The following CDC42SE2 variants were observed in gnomAD, a reference collection of about 807,000 sequenced individuals.
The protein encoded by CDC42SE2 is CDC42 small effector protein 2.
Under a neutral mutation model 11.5 loss-of-function variants are expected in CDC42SE2, and 3 were observed. The observed-to-expected ratio is 0.26, with a 90% CI of 0.12 to 0.67. The LOEUF (loss-of-function observed/expected upper bound fraction) is 0.67. Ranked by LOEUF, CDC42SE2 falls within the 30% of genes least tolerant of loss-of-function variation. The pLI is 0.80. For missense variants in CDC42SE2, 82 were observed against 106.8 expected, an observed-to-expected ratio of 0.77 and a Z score of 1.02; for synonymous variants, 33 against 34.8, an observed-to-expected ratio of 0.95 and a Z score of 0.18.
intron 1 of CDC42SE2, among the ~76,000 whole-genome samples, chr5:131,300,699 C>T (rs1192906080): frequency 2.0e-5 from 3 of 151,006 alleles, no homozygotes; most frequent in Non-Finnish European, 4.4e-5. Flanking sequence ...AGGAGAATGG[C>T]GTGAACCTGG....
chr5:131,259,860 C>T (rs1756708697), upstream of CDC42SE2, among the ~76,000 whole-genome samples: 8 of 152,216 alleles, frequency 5.3e-5, no homozygotes, highest in Admixed American at 5.2e-4. Flanking sequence ...TCCTTTGTTG[C>T]CTGGAATTGT....
At chr5:131,324,876 A>G (rs1758264820) in intron 2 of CDC42SE2, among the ~76,000 whole-genome samples, 1 of 152,218 alleles carries the variant, frequency 6.6e-6, no homozygotes, top group Admixed American at 6.5e-5. Context: ...TGGGGTACGA[A>G]ATTTGTCAGA....
chr5:131,295,154 G>A (rs1474701637), intron 1 of CDC42SE2, among the ~76,000 whole-genome samples: 2 of 151,394 alleles, frequency 1.3e-5, no homozygotes, highest in Non-Finnish European at 3.0e-5. Flanking sequence ...ATGGAGGTGG[G>A]CACCTGTAAT....
At chr5:131,253,571 C>T (rs868282858) in intron 1 of CDC42SE2, among the ~76,000 whole-genome samples, 2 of 152,232 alleles carry the variant, frequency 1.3e-5, no homozygotes, top group Middle Eastern at 3.4e-3. Flanking sequence ...TTGAGACCAG[C>T]CTGACCAACT....
At chr5:131,381,909 A>G (rs1344135601) in intron 3 of CDC42SE2, among the ~76,000 whole-genome samples, 1 of 151,996 alleles carries the variant, frequency 6.6e-6, no homozygotes, top group South Asian at 2.1e-4. Flanking sequence ...TTATCTTACT[A>G]TTTTCATCTT....
At chr5:131,321,025 A>T (rs1758176149) in intron 2 of CDC42SE2, among the ~76,000 whole-genome samples, 1 of 152,198 alleles carries the variant, frequency 6.6e-6, no homozygotes, top group Non-Finnish European at 1.5e-5. Context: ...GTTTTGAAAG[A>T]AATGTAGGTA....
rs1392702690 is a variant in CDC42SE2 at position 131,333,258 on chromosome 5, G to C, written c.-286+17114G>C. On this transcript the variant is annotated intron_variant, in intron 2 of 4. Transcript: ENST00000505065. Reference sequence around the variant, plus strand: ...CCCATTTCTTCTTTTTGTCAGGTTTGTCAAAGATCAGAGAGTTGTAGATGT... The same window carrying C: ...CCCATTTCTTCTTTTTGTCAGGTTTCTCAAAGATCAGAGAGTTGTAGATGT... Among the ~76,000 whole-genome samples the C allele has an allele frequency of 2.0e-5, 3 of 152,140 alleles. No homozygotes were observed. The East Asian group carries it at 5.8e-4, about 29-fold the overall frequency.
intron 1 of CDC42SE2, among the ~76,000 whole-genome samples, chr5:131,274,468 CTG>C (rs1431936992): frequency 6.6e-6 from 1 of 152,232 alleles, no homozygotes; most frequent in African/African-American, 2.4e-5. Context: ...GCTGCCACCT[CTG>C]TAAGCAACCA....
intron 3 of CDC42SE2, among the ~76,000 whole-genome samples, chr5:131,368,302 A>C (rs940292881): frequency 6.6e-6 from 1 of 151,036 alleles, no homozygotes; most frequent in Non-Finnish European, 1.5e-5. Flanking sequence ...ACTGGTATGC[A>C]GTGTACATTA....
chr5:131,231,609 T>C, the CDC42SE2 span, among the ~76,000 whole-genome samples: 2 of 152,078 alleles, frequency 1.3e-5, no homozygotes, highest in African/African-American at 4.8e-5. Flanking sequence ...CTATCTGAAA[T>C]TATCTTGTCT....
intron 2 of CDC42SE2, among the ~76,000 whole-genome samples, chr5:131,352,177 A>G (rs1360165171): frequency 6.6e-6 from 1 of 152,236 alleles, no homozygotes; most frequent in African/African-American, 2.4e-5. Flanking sequence ...GGAACTCTCA[A>G]TGCAAAGTGG....
intron 1 of CDC42SE2, among the ~76,000 whole-genome samples, chr5:131,279,767 T>G (rs1561570372): frequency 6.6e-6 from 1 of 152,092 alleles, no homozygotes; most frequent in South Asian, 2.1e-4. Context: ...GAAAAATTAT[T>G]GTTTAAAAAT....
At chr5:131,257,979 G>T (rs1756691835) in intron 2 of CDC42SE2, among the ~76,000 whole-genome samples, 1 of 152,148 alleles carries the variant, frequency 6.6e-6, no homozygotes. Flanking sequence ...GATACGGGGA[G>T]AAGTATCCTC....
the CDC42SE2 span, among the ~76,000 whole-genome samples, chr5:131,230,871 GA>G: frequency 1.3e-5 from 2 of 152,082 alleles, no homozygotes; most frequent in African/African-American, 4.8e-5. Context: ...CGAGAATAAT[GA>G]ATTATATTAC....
rs553312072 is a variant in CDC42SE2, at chr5:131,254,222, A to G, written n.108-873A>G. 3.1e-3 allele frequency among the ~76,000 whole-genome samples: 464 copies of G among 152,078 alleles called. 3 individuals carry two copies. The highest frequency in any genetic ancestry group is 0.011 in the African/African-American group (447 of 41,510). On this transcript the variant is annotated intron_variant and non_coding_transcript_variant, in intron 1 of 3. Transcript: ENST00000502840. The stretch of plus-strand genomic sequence containing the variant: ...CCCCCAGCAGGCCCTGGGGCACACC[A>G]CAGATTTTTTCACATGTGTATAGAA...
At chr5:131,281,289 A>G (rs1757234272) in intron 1 of CDC42SE2, among the ~76,000 whole-genome samples, 1 of 152,096 alleles carries the variant, frequency 6.6e-6, no homozygotes, top group African/African-American at 2.4e-5. Flanking sequence ...TGAATGGTGT[A>G]TATGTTGCTG....
intron 1 of CDC42SE2, among the ~76,000 whole-genome samples, chr5:131,269,498 G>A (rs1235613690): frequency 6.6e-6 from 1 of 152,156 alleles, no homozygotes; most frequent in Admixed American, 6.5e-5. Flanking sequence ...GCCGGGCGTG[G>A]TGGCTCATTC....
chr5:131,293,182 A>G (rs1026598257), intron 1 of CDC42SE2, among the ~76,000 whole-genome samples: 2 of 152,134 alleles, frequency 1.3e-5, no homozygotes, highest in South Asian at 2.1e-4. Flanking sequence ...TTAGGCCCTC[A>G]TGAATGGGAT....
chr5:131,379,442 C>A (rs923964469), intron 3 of CDC42SE2, among the ~76,000 whole-genome samples: 1 of 152,102 alleles, frequency 6.6e-6, no homozygotes, highest in Non-Finnish European at 1.5e-5. Flanking sequence ...TACAGTTGAT[C>A]CATATGCCAG....
Sources: allele counts gnomAD v4.1 joint callset (sites outside exome capture counted in the v4.1 genomes callset), GRCh38; gene constraint gnomAD v4.1.1; transcripts MANE v1.5; gene names NCBI Gene and HGNC (gene_info 2026-07-23, HGNC 2026-07-21).